Variants in TRPC6 observed in about 807,000 individuals in gnomAD.
TRPC6 encodes the protein transient receptor potential cation channel subfamily C member 6, also known as short transient receptor potential channel 6.
In TRPC6, 55 loss-of-function variants were observed where a neutral mutation model predicts 90.7. The observed-to-expected ratio is 0.61, with a 90% CI of 0.49 to 0.76. The LOEUF (loss-of-function observed/expected upper bound fraction) is 0.76, where lower values mean the gene tolerates loss of function less well. Among genes scored for constraint, TRPC6 ranks in the 30% least tolerant of loss-of-function variants. The pLI is 0.00. For missense variants in TRPC6, 989 were observed against 1,122.7 expected, an observed-to-expected ratio of 0.88 and a Z score of 1.70; for synonymous variants, 393 against 393.0, an observed-to-expected ratio of 1.00 and a Z score of 0.00.
At chr11:101,543,941 C>G (rs542856562) in intron 1 of TRPC6, among the ~76,000 whole-genome samples, 1 of 152,144 alleles carries the variant, frequency 6.6e-6, no homozygotes, top group Non-Finnish European at 1.5e-5. Flanking sequence ...TCAAAGTGAA[C>G]AGGCAAACTA....
Position 101,501,644 on chromosome 11 carries a change from C to A in TRPC6, c.945+2380G>T, listed in dbSNP as rs180923666. Among the ~76,000 whole-genome samples, 284 of 152,208 alleles carry A rather than the reference C, an allele frequency of 1.9e-3. 2 individuals are homozygous for A. The highest frequency in any genetic ancestry group is 6.6e-3 in the African/African-American group (273 of 41,512). ...GCTCACCCTTGTATGGCAGTTCTTT[C>A]ATCTGCTGTCCAAACTAATCTCAGA... On this transcript the variant is annotated intron_variant, in intron 2 of 12. Coordinates refer to ENST00000344327, the MANE Select transcript of TRPC6 (RefSeq NM_004621.6).
At chr11:101,573,222 C>A in intron 1 of TRPC6, among the ~76,000 whole-genome samples, 1 of 147,232 alleles carries the variant, frequency 6.8e-6, no homozygotes, top group East Asian at 3.1e-4. Context: ...ACAAATATTT[C>A]TTGAGTCCCT....
At chr11:101,540,068 T>C (rs1409370550) in intron 1 of TRPC6, among the ~76,000 whole-genome samples, 1 of 100,782 alleles carries the variant, frequency 9.9e-6, no homozygotes, top group Non-Finnish European at 2.2e-5. Context: ...TTATATAAGA[T>C]TAAAAAGTTA....
chr11:101,469,612 A>T, intron 9 of TRPC6, 111 bp from the exon 10 acceptor site: 1 of 624,456 alleles, frequency 1.6e-6, no homozygotes. Context: ...AATGAGAGAA[A>T]CATATTCTTA....
intron 1 of TRPC6, among the ~76,000 whole-genome samples, chr11:101,561,155 G>C (rs12226165): frequency 0.13 from 19,181 of 152,038 alleles, 1,886 homozygotes; most frequent in East Asian, 0.54. Flanking sequence ...ATAGCACACT[G>C]CTGATAAAGT....
chr11:101,491,736 A>G lies in TRPC6; in HGVS notation c.948T>C (p.Asn316=), dbSNP rs139477687. 5.3e-5 allele frequency: 86 copies of G among 1,613,452 alleles called. No homozygotes were observed. In the African/African-American group the frequency reaches 1.0e-3, roughly 19 times the overall value. Residue 316 remains asparagine, a splice_region_variant and synonymous_variant, in exon 3 of 13, where the codon AAT becomes AAC. Transcript: ENST00000344327. The part of the protein sequence containing the change: ...VLANIEKEFK[N]DYKKLSMQCK... ...ACTGCATTGACAGTTTTTTGTAGTC[A>G]TTCTAGGAAAAACAAAGCAAAACAA...
intron 1 of TRPC6, among the ~76,000 whole-genome samples, chr11:101,562,358 A>G (rs560513677): frequency 6.6e-6 from 1 of 152,290 alleles, no homozygotes; most frequent in East Asian, 1.9e-4. Flanking sequence ...ACTATTTAGT[A>G]CCTGTGAATT....
chr11:101,567,527 C>A (rs72976306), intron 1 of TRPC6, among the ~76,000 whole-genome samples: 1 of 152,222 alleles, frequency 6.6e-6, no homozygotes, highest in African/African-American at 2.4e-5. Flanking sequence ...AAGGGACAGA[C>A]TATCTCCGCA....
At chr11:101,558,937 A>C (rs1861649336) in intron 1 of TRPC6, among the ~76,000 whole-genome samples, 1 of 152,176 alleles carries the variant, frequency 6.6e-6, no homozygotes, top group South Asian at 2.1e-4. Context: ...ACAGGGGAGA[A>C]ACTACACAAC....
At chr11:101,521,009 G>A (rs1330886499) in intron 1 of TRPC6, among the ~76,000 whole-genome samples, 2 of 152,204 alleles carry the variant, frequency 1.3e-5, no homozygotes, top group Non-Finnish European at 2.9e-5. Flanking sequence ...TGGAAAATTT[G>A]CAGCCTGACC....
At chr11:101,467,344 T>C (rs187980969) in intron 10 of TRPC6, among the ~76,000 whole-genome samples, 118 of 152,332 alleles carry the variant, frequency 7.7e-4, no homozygotes, top group African/African-American at 2.7e-3. Context: ...TACCAAATTA[T>C]GTAGTATACT....
intron 1 of TRPC6, among the ~76,000 whole-genome samples, chr11:101,556,942 C>T (rs1861573863): frequency 6.6e-6 from 1 of 152,010 alleles, no homozygotes; most frequent in African/African-American, 2.4e-5. Flanking sequence ...CATTGAAAAA[C>T]AAAAGGACAA....
chr11:101,507,048 CACAG>C (rs948185744), intron 1 of TRPC6, among the ~76,000 whole-genome samples: 8 of 143,878 alleles, frequency 5.6e-5, no homozygotes, highest in African/African-American at 2.2e-4. Flanking sequence ...CACACACACA[CACAG>C]ACCCCCTTCA....
At chr11:101,507,049 A>G (rs1180983254) in intron 1 of TRPC6, among the ~76,000 whole-genome samples, 1 of 141,944 alleles carries the variant, frequency 7.0e-6, no homozygotes, top group East Asian at 2.0e-4. Context: ...ACACACACAC[A>G]CAGACCCCCT....
chr11:101,508,397 G>A (rs565188749), intron 1 of TRPC6, among the ~76,000 whole-genome samples: 15 of 152,008 alleles, frequency 9.9e-5, no homozygotes, highest in Non-Finnish European at 1.2e-4. Flanking sequence ...TCTGAGTTAC[G>A]GTGAGTTTCT....
In TRPC6 at chr11:101,488,918, CCAGGCTTCACATA is replaced by C. The variant is rs371262137; in HGVS notation, c.1293+6_1293+18del. 9.1e-4 allele frequency: 1,464 copies of C among 1,613,890 alleles called. 13 individuals carry two copies. In the African/African-American group the frequency reaches 0.017, roughly 19 times the overall value. ...CATATTTCTAGTAGATAATAGAGGT[CCAGGCTTCACATA>C]CATACCTTGCTGCATGGAGCAAACC... is the stretch of plus-strand genomic sequence containing the variant. On this transcript the variant is annotated splice_donor_region_variant and intron_variant, in intron 4 of 12. Transcript: ENST00000344327.
At chr11:101,565,560 T>A (rs1861809435) in intron 1 of TRPC6, among the ~76,000 whole-genome samples, 1 of 152,026 alleles carries the variant, frequency 6.6e-6, no homozygotes, top group South Asian at 2.1e-4. Context: ...AGAAACAAAC[T>A]GGAAGGGGAA....
chr11:101,504,389 T>A lies in TRPC6; in HGVS notation c.580A>T (p.Thr194Ser). ...TGGAGTTCAGACTGGCTAGGGCTGGTTGCTAACCTCTTGCCTTCAGCAAAA... is the reference window on the plus strand; with the variant it reads ...TGGAGTTCAGACTGGCTAGGGCTGGATGCTAACCTCTTGCCTTCAGCAAAA... Reference protein sequence around the residue: ...PAFAEGKRLATSPSQSELQQD... With the variant: ...PAFAEGKRLASSPSQSELQQD... Residue 194 changes from threonine (T) to serine (S), a missense_variant, in exon 2 of 13, where the codon ACC becomes TCC. This residue lies in a region of TRPC6 where 486 missense variants were observed against 591.9 expected (regional missense o/e 0.82). Coordinates refer to ENST00000344327, the MANE Select transcript of TRPC6 (RefSeq NM_004621.6). 1 of 1,614,128 alleles carries A rather than the reference T, an allele frequency of 6.2e-7. No homozygotes were observed. Among genetic ancestry groups the A allele is most frequent in the Non-Finnish European group, 8.5e-7 (1 of 1,180,012 alleles).
chr11:101,486,393 G>A (rs1262104158), intron 4 of TRPC6, among the ~76,000 whole-genome samples: 1 of 152,044 alleles, frequency 6.6e-6, no homozygotes, highest in Non-Finnish European at 1.5e-5. Flanking sequence ...AAATTACTGA[G>A]GGTAAGCATT....
Sources: gnomAD v4.1 joint callset for allele counts (sites outside exome capture counted in the v4.1 genomes callset) on GRCh38, gnomAD v4.1.1 for gene constraint, gnomAD v4.1.1 regional missense constraint, MANE v1.5 for transcripts, NCBI Gene and HGNC (gene_info 2026-07-23, HGNC 2026-07-21) for gene names.